The following ASPRV1 variants were observed in gnomAD, a reference collection of about 807,000 sequenced individuals.
ASPRV1 encodes retroviral-like aspartic protease 1.
Under a neutral mutation model 11.0 loss-of-function variants are expected in ASPRV1, and 7 were observed. The ratio of observed to expected loss-of-function variants is 0.64; its 90% CI spans 0.36 to 1.20. The LOEUF is 1.20. Among genes scored for constraint, ASPRV1 ranks in the 50% most tolerant of loss-of-function variants. The pLI, the probability that ASPRV1 is intolerant of heterozygous loss-of-function variation, is 0.02. For missense variants in ASPRV1, 299 were observed against 320.0 expected (o/e 0.93, Z 0.50); for synonymous variants, 136 against 138.4 (o/e 0.98, Z 0.12).
At chr2:70,002,983 G>A in the ASPRV1 span, 1 of 152,208 alleles carries the variant, frequency 6.6e-6, no homozygotes, top group African/African-American at 2.4e-5. Context: ...CAGACGGTTT[G>A]TTCATTCAAA....
chr2:69,970,522 C>T, the ASPRV1 span, among the ~76,000 whole-genome samples: 2 of 152,204 alleles, frequency 1.3e-5, no homozygotes, highest in African/African-American at 2.4e-5. Context: ...CTCTGACACC[C>T]CTGTTCTCCT....
chr2:69,948,560 A>G, the ASPRV1 span, among the ~76,000 whole-genome samples: 30 of 152,146 alleles, frequency 2.0e-4, no homozygotes, highest in African/African-American at 6.8e-4. Context: ...TTTAGGAGGG[A>G]TCAGTGGAGG....
chr2:70,028,976 A>G, the ASPRV1 span, among the ~76,000 whole-genome samples: 2 of 152,162 alleles, frequency 1.3e-5, no homozygotes, highest in Non-Finnish European at 2.9e-5. Context: ...TCTCCTTCCC[A>G]AAATATCAAC....
the ASPRV1 span, among the ~76,000 whole-genome samples, chr2:69,946,936 C>G: frequency 1.3e-5 from 2 of 152,150 alleles, no homozygotes; most frequent in East Asian, 1.9e-4. Context: ...AGAGGTGGCT[C>G]AGAGAGAGAG....
At chr2:69,979,487 A>G in the ASPRV1 span, among the ~76,000 whole-genome samples, 1 of 152,178 alleles carries the variant, frequency 6.6e-6, no homozygotes, top group Non-Finnish European at 1.5e-5. Flanking sequence ...GGGAGTGGGA[A>G]GAGGGCAGAG....
At chr2:70,013,320 TTGTC>T in the ASPRV1 span, among the ~76,000 whole-genome samples, 2 of 151,932 alleles carry the variant, frequency 1.3e-5, no homozygotes, top group South Asian at 2.1e-4. Context: ...AAACTGCCAT[TTGTC>T]TAATTTTGAT....
At chr2:70,060,905 G>C in the ASPRV1 span, among the ~76,000 whole-genome samples, 9 of 152,302 alleles carry the variant, frequency 5.9e-5, no homozygotes, top group East Asian at 1.5e-3. Flanking sequence ...AGTAGTTATT[G>C]AGTGTCTCTA....
chr2:70,008,236 ATTTT>A, the ASPRV1 span, among the ~76,000 whole-genome samples: 1 of 151,990 alleles, frequency 6.6e-6, no homozygotes, highest in Non-Finnish European at 1.5e-5. Context: ...TTTCTTATTA[ATTTT>A]TTTAAGTGGC....
At chr2:70,065,384 C>T in the ASPRV1 span, among the ~76,000 whole-genome samples, 1 of 116,782 alleles carries the variant, frequency 8.6e-6, no homozygotes, top group Non-Finnish European at 1.6e-5. Flanking sequence ...GTGCAAGACA[C>T]CATCTCAAAA....
the ASPRV1 span, among the ~76,000 whole-genome samples, chr2:69,950,716 G>A: frequency 1.4e-4 from 21 of 151,984 alleles, no homozygotes; most frequent in African/African-American, 4.1e-4. Context: ...GGTGGCTGGC[G>A]CCTGTAGTCC....
downstream of ASPRV1, among the ~76,000 whole-genome samples, chr2:69,956,486 A>AGAAGAAGAAGAAAAGAG (rs1677944468): frequency 6.6e-6 from 1 of 151,102 alleles, no homozygotes; most frequent in African/African-American, 2.5e-5. Context: ...GAAAAGAGGA[A>AGAAGAAGAAGAAAAGAG]GAAGAAGAAG....
the ASPRV1 span, among the ~76,000 whole-genome samples, chr2:70,079,195 G>A: frequency 6.2e-3 from 949 of 152,248 alleles, 9 homozygotes; most frequent in African/African-American, 0.022. Flanking sequence ...TAAGTCTTGA[G>A]TTCAGGGAAA....
the ASPRV1 span, chr2:69,994,122 C>T: frequency 6.6e-6 from 1 of 152,296 alleles, no homozygotes; most frequent in African/African-American, 2.4e-5. Context: ...ATCTATTTCT[C>T]ATGGTCCTCT....
the ASPRV1 span, among the ~76,000 whole-genome samples, chr2:70,044,314 A>G: frequency 6.6e-6 from 1 of 152,100 alleles, no homozygotes; most frequent in South Asian, 2.1e-4. Flanking sequence ...AAATTATACC[A>G]CTTGACAGAC....
At chr2:70,071,266 T>A in the ASPRV1 span, among the ~76,000 whole-genome samples, 2 of 152,206 alleles carry the variant, frequency 1.3e-5, no homozygotes, top group Admixed American at 1.3e-4. Flanking sequence ...TTTGTCAGAC[T>A]GCATTTACAA....
the ASPRV1 span, among the ~76,000 whole-genome samples, chr2:70,042,393 A>C: frequency 6.6e-6 from 1 of 152,166 alleles, no homozygotes; most frequent in Admixed American, 6.5e-5. Flanking sequence ...AGATGCAAGA[A>C]AAGGCTCTAG....
chr2:69,991,305 T>G, the ASPRV1 span, among the ~76,000 whole-genome samples: 1 of 152,188 alleles, frequency 6.6e-6, no homozygotes, highest in Non-Finnish European at 1.5e-5. Flanking sequence ...CTTCACACTC[T>G]TGGTCCATAA....
the ASPRV1 span, among the ~76,000 whole-genome samples, chr2:70,001,644 T>C: frequency 1.3e-5 from 2 of 152,020 alleles, no homozygotes; most frequent in Non-Finnish European, 2.9e-5. Context: ...CCTGTAACTC[T>C]GGCTACTCAG....
the ASPRV1 span, chr2:69,938,869 T>C: frequency 6.5e-6 from 1 of 152,972 alleles, no homozygotes; most frequent in Non-Finnish European, 1.5e-5. Flanking sequence ...CGCGTGTGGA[T>C]GGGAGCAGTA....
Sources: allele counts gnomAD v4.1 joint callset (sites outside exome capture counted in the v4.1 genomes callset), GRCh38; gene constraint gnomAD v4.1.1; transcripts MANE v1.5; gene names NCBI Gene and HGNC (gene_info 2026-07-23, HGNC 2026-07-21).